Variants in FOXP1 observed in about 807,000 individuals in gnomAD.
FOXP1 encodes the protein forkhead box protein P1.
In FOXP1, 15 loss-of-function variants were observed where a neutral mutation model predicts 98.2. The ratio of observed to expected loss-of-function variants is 0.15; its 90% CI spans 0.10 to 0.24. The LOEUF is 0.24. Ranked by LOEUF, FOXP1 falls within the 10% of genes least tolerant of loss-of-function variation. The pLI, the probability that FOXP1 is intolerant of heterozygous loss-of-function variation, is 1.00. For synonymous variants in FOXP1, 371 were observed against 314.5 expected (o/e 1.18, Z -1.90); for missense variants, 633 against 848.5 (o/e 0.75, Z 3.15).
At chr3:71,004,502 G>A (rs1374923505) in intron 12 of FOXP1, among the ~76,000 whole-genome samples, 1 of 152,026 alleles carries the variant, frequency 6.6e-6, no homozygotes, top group African/African-American at 2.4e-5. Flanking sequence ...AATAGTTAAT[G>A]GCTATTAACC....
chr3:71,248,806 C>T (rs2067963214), intron 5 of FOXP1, among the ~76,000 whole-genome samples: 1 of 152,030 alleles, frequency 6.6e-6, no homozygotes, highest in South Asian at 2.1e-4. Flanking sequence ...CTCCAGGCTC[C>T]TCATAGTTAT....
At chr3:71,101,541 G>A (rs142374802) in intron 7 of FOXP1, among the ~76,000 whole-genome samples, 35 of 152,212 alleles carry the variant, frequency 2.3e-4, no homozygotes, top group African/African-American at 7.9e-4. Context: ...CCCATGCAAT[G>A]TATTACTAAG....
At chr3:71,279,079 G>C (rs755044480) in intron 5 of FOXP1, among the ~76,000 whole-genome samples, 1 of 148,706 alleles carries the variant, frequency 6.7e-6, no homozygotes, top group Non-Finnish European at 1.5e-5. Context: ...TGTAATCCCA[G>C]CTATTTGGGA....
chr3:71,187,675 A>G (rs2062730557), intron 6 of FOXP1, among the ~76,000 whole-genome samples: 1 of 152,242 alleles, frequency 6.6e-6, no homozygotes, highest in Non-Finnish European at 1.5e-5. Context: ...TTGTGTTTAT[A>G]AGAAATAGAA....
chr3:71,215,113 G>C (rs922933398), intron 5 of FOXP1, among the ~76,000 whole-genome samples: 1 of 152,192 alleles, frequency 6.6e-6, no homozygotes, highest in Admixed American at 6.5e-5. Context: ...TAAAGTTTAA[G>C]AAGGCAGGTC....
Position 71,464,599 on chromosome 3 carries a change from G to A in FOXP1, c.-168+28827C>T, listed in dbSNP as rs530534086. 4.6e-5 allele frequency among the ~76,000 whole-genome samples: 7 copies of A among 152,220 alleles called. No individual in the cohort carries two copies. In the South Asian group the frequency reaches 1.2e-3, roughly 27 times the overall value. Reference sequence around the variant, plus strand: ...CCAAATAGCAAGATGCCCTCCCCCCGACCTGGCACTTTCAAAAAACAGCCC... The same window carrying A: ...CCAAATAGCAAGATGCCCTCCCCCCAACCTGGCACTTTCAAAAAACAGCCC... On this transcript the variant is annotated intron_variant, in intron 3 of 20. Coordinates refer to ENST00000649528, the MANE Select transcript of FOXP1 (RefSeq NM_001349338.3).
At chr3:71,064,634 C>T (rs1364422426) in intron 7 of FOXP1, among the ~76,000 whole-genome samples, 1 of 152,146 alleles carries the variant, frequency 6.6e-6, no homozygotes, top group Non-Finnish European at 1.5e-5. Flanking sequence ...CACTCCCTCC[C>T]CGCCTCCACT....
chr3:71,397,073 T>TAC lies in FOXP1; in HGVS notation c.-167-37831_-167-37830dup, dbSNP rs373329722. 4.8e-3 allele frequency among the ~76,000 whole-genome samples: 202 copies of TAC among 42,480 alleles called. 37 individuals carry two copies. Among genetic ancestry groups the TAC allele is most frequent in the Middle Eastern group, 0.027 (2 of 74 alleles). 27.9% of individuals were successfully genotyped at this position (42,480 alleles called of 152,430 possible). On this transcript the variant is annotated intron_variant, in intron 3 of 20. Transcript: ENST00000649528. ...ACACATATATATGTGTATATATATA[T>TAC]ACATATATATGTGTATATATATATA...
chr3:71,307,569 C>T (rs2074367104), intron 4 of FOXP1, among the ~76,000 whole-genome samples: 1 of 152,310 alleles, frequency 6.6e-6, no homozygotes, highest in East Asian at 1.9e-4. Context: ...CTTGAAATGA[C>T]CTTCCAAATA....
chr3:71,009,292 G>A (rs1576114582), intron 12 of FOXP1, among the ~76,000 whole-genome samples: 1 of 151,294 alleles, frequency 6.6e-6, no homozygotes, highest in East Asian at 2.0e-4. Context: ...CTAAAAATAT[G>A]TTGGTGACAC....
At chr3:70,970,150 TACTCC>T (rs2035896097) in intron 19 of FOXP1, 1 of 153,924 alleles carries the variant, frequency 6.5e-6, no homozygotes, top group Non-Finnish European at 1.4e-5. Context: ...AGGAAATAAA[TACTCC>T]GTGTGATTAT....
At chr3:71,090,425 C>G (rs900961713) in intron 7 of FOXP1, among the ~76,000 whole-genome samples, 3 of 152,092 alleles carry the variant, frequency 2.0e-5, no homozygotes, top group African/African-American at 4.8e-5. Flanking sequence ...GAGAACCACC[C>G]TTGGGGGGAA....
chr3:71,056,075 A>G (rs760254857), intron 7 of FOXP1, among the ~76,000 whole-genome samples: 3 of 152,210 alleles, frequency 2.0e-5, no homozygotes, highest in Non-Finnish European at 4.4e-5. Flanking sequence ...GGAAATGTCC[A>G]TATCTCGAGT....
chr3:71,501,481 A>C (rs555325819), intron 2 of FOXP1, among the ~76,000 whole-genome samples: 143 of 151,826 alleles, frequency 9.4e-4, no homozygotes, highest in Admixed American at 8.5e-3. Context: ...TTTTAGTAGA[A>C]AGAGGGTTTC....
intron 5 of FOXP1, among the ~76,000 whole-genome samples, chr3:71,224,666 T>G (rs370464034): frequency 6.6e-6 from 1 of 152,148 alleles, no homozygotes; most frequent in African/African-American, 2.4e-5. Flanking sequence ...CAGTGACACA[T>G]AGTAGGTGGA....
At chr3:71,066,156 G>A (rs1172364154) in intron 7 of FOXP1, among the ~76,000 whole-genome samples, 1 of 147,652 alleles carries the variant, frequency 6.8e-6, no homozygotes, top group African/African-American at 2.5e-5. Context: ...TTACTTGAAA[G>A]TACATTTTGA....
At chr3:71,567,288 G>A (rs1289086188) in intron 2 of FOXP1, among the ~76,000 whole-genome samples, 1 of 151,758 alleles carries the variant, frequency 6.6e-6, no homozygotes, top group Non-Finnish European at 1.5e-5. Context: ...AACACTGTTA[G>A]GGGCTTTGCA....
At chr3:71,157,543 C>T (rs2060885453) in intron 6 of FOXP1, among the ~76,000 whole-genome samples, 1 of 152,144 alleles carries the variant, frequency 6.6e-6, no homozygotes, top group African/African-American at 2.4e-5. Context: ...ATTTATATAA[C>T]TTTTAGAACA....
At chr3:71,510,795 A>G (rs1408765228) in intron 2 of FOXP1, among the ~76,000 whole-genome samples, 1 of 152,196 alleles carries the variant, frequency 6.6e-6, no homozygotes, top group Non-Finnish European at 1.5e-5. Flanking sequence ...GAACTCCCCA[A>G]TCTGGGCTCA....
Sources: gnomAD v4.1 joint callset for allele counts (sites outside exome capture counted in the v4.1 genomes callset) on GRCh38, gnomAD v4.1.1 for gene constraint, MANE v1.5 for transcripts, NCBI Gene and HGNC (gene_info 2026-07-23, HGNC 2026-07-21) for gene names.